Variants in DGKI observed in about 807,000 individuals in gnomAD.
DGKI encodes diacylglycerol kinase iota.
A neutral mutation model predicts 147.5 loss-of-function variants in DGKI; 55 were observed. The observed-to-expected ratio is 0.37, with a 90% CI of 0.30 to 0.47. The LOEUF is 0.47. Ranked by LOEUF, DGKI falls within the 20% of genes least tolerant of loss-of-function variation. The pLI is 1.00. For missense variants in DGKI, 1,007 were observed against 1,323.8 expected (o/e 0.76, Z 3.71); for synonymous variants, 469 against 477.1 (o/e 0.98, Z 0.22).
intron 3 of DGKI, among the ~76,000 whole-genome samples, chr7:137,661,919 T>C (rs1363652894): frequency 6.6e-6 from 1 of 152,232 alleles, no homozygotes; most frequent in Admixed American, 6.5e-5. Flanking sequence ...ATTGTCTCTC[T>C]GGCAACATAC....
chr7:137,458,759 CTATT>C (rs1814304316), intron 27 of DGKI, among the ~76,000 whole-genome samples: 1 of 152,118 alleles, frequency 6.6e-6, no homozygotes, highest in African/African-American at 2.4e-5. Context: ...AATTCCCTCT[CTATT>C]AATCTTCTGC....
Position 137,676,292 on chromosome 7 carries a change from TG to T in DGKI, c.606+2264del, listed in dbSNP as rs370346181. On this transcript the variant is annotated intron_variant, in intron 3 of 32. Coordinates refer to ENST00000614521, the MANE Select transcript of DGKI (RefSeq NM_001321708.2). ...AGGCACATGAAGTTGACTCCTGAGT[TG>T]TTTTAATTGGGATGCCTTTGTATTC... 6.0e-4 allele frequency among the ~76,000 whole-genome samples: 91 copies of T among 152,356 alleles called. 1 individual carries two copies. Among genetic ancestry groups the T allele is most frequent in the African/African-American group, 2.1e-3 (89 of 41,588 alleles).
At chr7:137,793,156 C>T (rs955904961) in intron 1 of DGKI, among the ~76,000 whole-genome samples, 1 of 152,132 alleles carries the variant, frequency 6.6e-6, no homozygotes, top group Non-Finnish European at 1.5e-5. Context: ...CTAGGGACTT[C>T]AAGGAGCAAC....
rs955127766 is a variant in DGKI at position 137,574,638 on chromosome 7, T to C, written c.1762-1800A>G. Among the ~76,000 whole-genome samples, 8 of 152,190 alleles carry C rather than the reference T, an allele frequency of 5.3e-5. No homozygotes were observed. In the South Asian group the frequency reaches 1.0e-3, roughly 20 times the overall value. On this transcript the variant is annotated intron_variant, in intron 17 of 32. Coordinates refer to ENST00000614521, the MANE Select transcript of DGKI (RefSeq NM_001321708.2). Reference sequence around the variant, plus strand: ...ATACTGCTTTACAGAGATTTTTTTATATATTATTGCAATAAACTGTGCAAT... The same window carrying C: ...ATACTGCTTTACAGAGATTTTTTTACATATTATTGCAATAAACTGTGCAAT...
intron 1 of DGKI, among the ~76,000 whole-genome samples, chr7:137,784,635 T>C (rs1041826752): frequency 6.6e-6 from 1 of 152,074 alleles, no homozygotes; most frequent in Non-Finnish European, 1.5e-5. Context: ...TTAACAGATA[T>C]TTATAGAACA....
chr7:137,497,122 G>T (rs965762773), intron 21 of DGKI, among the ~76,000 whole-genome samples: 2 of 145,440 alleles, frequency 1.4e-5, no homozygotes, highest in African/African-American at 5.1e-5. Context: ...AAAAAAAAAA[G>T]TGGGCAAAAG....
intron 28 of DGKI, among the ~76,000 whole-genome samples, chr7:137,414,982 A>C (rs930225497): frequency 3.9e-4 from 60 of 152,346 alleles, no homozygotes; most frequent in African/African-American, 1.4e-3. Flanking sequence ...CACAGTTTTC[A>C]GTATTTTGTG....
At chr7:137,490,998 G>C (rs931832501) in intron 21 of DGKI, among the ~76,000 whole-genome samples, 54 of 152,244 alleles carry the variant, frequency 3.5e-4, no homozygotes, top group African/African-American at 1.3e-3. Flanking sequence ...ACAATAAATA[G>C]ATTTTTAAAA....
intron 1 of DGKI, among the ~76,000 whole-genome samples, chr7:137,845,121 G>A (rs138765971): frequency 6.6e-6 from 1 of 152,322 alleles, no homozygotes; most frequent in African/African-American, 2.4e-5. Flanking sequence ...CTCAGGTGGG[G>A]AACTCCCTCA....
chr7:137,618,552 G>A (rs766371765), intron 8 of DGKI, among the ~76,000 whole-genome samples: 5 of 151,578 alleles, frequency 3.3e-5, no homozygotes, highest in Non-Finnish European at 7.4e-5. Context: ...TGATACAATC[G>A]AGGTTTTCAA....
At chr7:137,613,679 C>T (rs1820439542) in intron 8 of DGKI, among the ~76,000 whole-genome samples, 1 of 152,024 alleles carries the variant, frequency 6.6e-6, no homozygotes, top group African/African-American at 2.4e-5. Flanking sequence ...ATAAGTAGAA[C>T]ATTAGAAACA....
At chr7:137,531,071 T>C (rs1817322309) in intron 20 of DGKI, among the ~76,000 whole-genome samples, 1 of 152,168 alleles carries the variant, frequency 6.6e-6, no homozygotes, top group Non-Finnish European at 1.5e-5. Context: ...TCTTTGTACA[T>C]TCTTTCATGC....
intron 1 of DGKI, among the ~76,000 whole-genome samples, chr7:137,733,588 A>G (rs1794943742): frequency 6.6e-6 from 1 of 152,102 alleles, no homozygotes; most frequent in Non-Finnish European, 1.5e-5. Flanking sequence ...TCAGCTATAC[A>G]TCAGGTACTC....
intron 3 of DGKI, among the ~76,000 whole-genome samples, chr7:137,657,490 A>T (rs1330598738): frequency 6.6e-6 from 1 of 152,266 alleles, no homozygotes; most frequent in Non-Finnish European, 1.5e-5. Context: ...AGCAGAATCT[A>T]CATTTCATGA....
chr7:137,493,144 GCTGTACCACCA>G (rs1293172236), intron 21 of DGKI, among the ~76,000 whole-genome samples: 2 of 152,118 alleles, frequency 1.3e-5, no homozygotes, highest in Non-Finnish European at 2.9e-5. Context: ...CATCCACCCA[GCTGTACCACCA>G]CTGTTAGCAC....
At chr7:137,641,804 T>A (rs534423314) in intron 6 of DGKI, among the ~76,000 whole-genome samples, 59 of 152,244 alleles carry the variant, frequency 3.9e-4, no homozygotes, top group Non-Finnish European at 7.1e-4. Context: ...TTTTTATAAC[T>A]TTTACATATG....
At chr7:137,639,790 AC>A (rs1821556467) in intron 6 of DGKI, among the ~76,000 whole-genome samples, 1 of 152,070 alleles carries the variant, frequency 6.6e-6, no homozygotes, top group South Asian at 2.1e-4. Context: ...ACAGATGAAA[AC>A]TGGGGACTGC....
rs1290456877 is a variant in DGKI at position 137,843,949 on chromosome 7, C to T, written c.401+2513G>A. On this transcript the variant is annotated intron_variant, in intron 1 of 32. Coordinates refer to ENST00000614521, the MANE Select transcript of DGKI (RefSeq NM_001321708.2). ...CAAGCAGCCATGCTCCATACCCTAA[C>T]TCAGTCCTTTCACTCAGACTCCATT... is the stretch of plus-strand genomic sequence containing the variant. Among the ~76,000 whole-genome samples, 7 of 152,166 alleles carry T rather than the reference C, an allele frequency of 4.6e-5. No individual in the cohort carries two copies. The South Asian group carries it at 1.0e-3, about 23-fold the overall frequency.
Position 137,689,931 on chromosome 7 carries a change from C to T in DGKI, c.473G>A (p.Gly158Asp). 1 of 1,607,670 alleles carries T rather than the reference C, an allele frequency of 6.2e-7. No homozygotes were observed. ...AHPLSLPVAN[G>D]PAKEPRATLD... ...AGTCGCTCTGGGCTCCTTGGCTGGACCATTTGCCACAGGAAGGCTGAGGGG... is the reference window on the plus strand; with the variant it reads ...AGTCGCTCTGGGCTCCTTGGCTGGATCATTTGCCACAGGAAGGCTGAGGGG... Residue 158 changes from glycine (G) to aspartate (D), a missense_variant, in exon 2 of 33, where the codon GGT (glycine) becomes GAT (aspartate). By Grantham distance (94) the Gly-to-Asp change is moderately conservative (BLOSUM62 -1). Around this residue, in one of 5 missense-constraint regions of DGKI, gnomAD observed 259 missense variants for 362.5 expected, o/e 0.71. Coordinates refer to ENST00000614521, the MANE Select transcript of DGKI (RefSeq NM_001321708.2).
Sources: allele counts gnomAD v4.1 joint callset (sites outside exome capture counted in the v4.1 genomes callset), GRCh38; gene constraint gnomAD v4.1.1; regional missense constraint gnomAD v4.1.1; transcripts MANE v1.5; gene names NCBI Gene and HGNC (gene_info 2026-07-23, HGNC 2026-07-21).